Variants in SSR1 observed in about 807,000 individuals in gnomAD.
SSR1 encodes translocon-associated protein subunit alpha.
A neutral mutation model predicts 36.1 loss-of-function variants in SSR1; 13 were observed. That is an observed-to-expected ratio of 0.36 (90% CI 0.23 to 0.57). The LOEUF is 0.57. Among genes scored for constraint, SSR1 ranks in the 20% least tolerant of loss-of-function variants. The probability of loss-of-function intolerance (pLI) is 0.81; values close to 1 mark genes in which losing one functional copy is unlikely to be tolerated. For synonymous variants in SSR1, 113 were observed against 118.9 expected, an observed-to-expected ratio of 0.95 and a Z score of 0.32; for missense variants, 291 against 338.5, an observed-to-expected ratio of 0.86 and a Z score of 1.10.
At chr6:7,312,859 G>C (rs1203842555) in intron 1 of SSR1, among the ~76,000 whole-genome samples, 183 bp downstream of exon 1, 1 of 152,236 alleles carries the variant, frequency 6.6e-6, no homozygotes, top group Non-Finnish European at 1.5e-5. Flanking sequence ...GGCCGCAGCG[G>C]GGTCTCCAGC....
chr6:7,303,674 G>T, intron 2 of SSR1, 37 bp from the exon 3 acceptor site: 1 of 1,451,578 alleles, frequency 6.9e-7, no homozygotes, highest in East Asian at 2.3e-5. Context: ...ATTACTATGG[G>T]AGAAAAAAAA....
Position 7,313,176 on chromosome 6 carries a change from C to G in SSR1, c.-56G>C. The G allele has an allele frequency of 2.0e-6, 3 of 1,497,098 alleles. No individual in the cohort carries two copies. The highest frequency in any genetic ancestry group is 2.4e-5 in the South Asian group (2 of 81,678). The allele number at this position is 1,497,098 out of a possible 1,614,324, so 92.7% of individuals were successfully genotyped here. On this transcript the variant is annotated 5_prime_UTR_variant, in exon 1 of 8. Coordinates refer to ENST00000244763, the MANE Select transcript of SSR1 (RefSeq NM_003144.5). Reference sequence around the variant, plus strand: ...CGGCTAAGGCTCTCGGCGGCTCCGGCGGTAATGGCGTTACTCTTCATCCGG... The same window carrying G: ...CGGCTAAGGCTCTCGGCGGCTCCGGGGGTAATGGCGTTACTCTTCATCCGG...
intron 1 of SSR1, among the ~76,000 whole-genome samples, chr6:7,310,637 G>A (rs1301255191): frequency 4.6e-5 from 7 of 152,286 alleles, no homozygotes; most frequent in East Asian, 1.9e-4. Flanking sequence ...CTTGGCCGGC[G>A]CGGTGGCTCA....
In SSR1 at chr6:7,313,111, G is replaced by C; in HGVS notation, c.10C>G (p.Leu4Val). Reference sequence around the variant, plus strand: ...AAGAGAAGCAGCAGCAAGCGGGGGAGGAGTCTCATGGCGCTGCCGGTCCAG... The same window carrying C: ...AAGAGAAGCAGCAGCAAGCGGGGGACGAGTCTCATGGCGCTGCCGGTCCAG... MRL[L>V]PRLLLLLLLV... The change falls in exon 1 of 8, where the codon CTC becomes GTC. Residue 4 changes from leucine to valine, a missense_variant. Transcript: ENST00000244763. 6.2e-7 allele frequency: 1 copy of C among 1,606,066 alleles called. No homozygotes were observed. The highest frequency in any genetic ancestry group is 8.5e-7 in the Non-Finnish European group (1 of 1,176,124).
chr6:7,304,263 T>C (rs1395851516), intron 2 of SSR1, among the ~76,000 whole-genome samples: 1 of 152,226 alleles, frequency 6.6e-6, no homozygotes, highest in East Asian at 1.9e-4. Context: ...GTAAACTTTT[T>C]CTGTAAATGG....
intron 4 of SSR1, 103 bp downstream of exon 4, chr6:7,301,207 A>G: frequency 7.1e-7 from 1 of 1,407,182 alleles, no homozygotes; most frequent in South Asian, 1.4e-5. Context: ...CACAGGTTCA[A>G]CCACAAAACA....
chr6:7,296,571 A>C (rs1194314171), intron 6 of SSR1, among the ~76,000 whole-genome samples: 1 of 152,222 alleles, frequency 6.6e-6, no homozygotes, highest in Non-Finnish European at 1.5e-5. Flanking sequence ...CTAATGAATT[A>C]TATTAACATA....
rs1757634313 is a variant in SSR1, at chr6:7,289,602, T to A, written c.*262A>T. The A allele has an allele frequency of 2.2e-6, 1 of 460,038 alleles. No individual in the cohort carries two copies. Among genetic ancestry groups the A allele is most frequent in the Non-Finnish European group, 3.8e-6 (1 of 263,266 alleles). The allele number at this position is 460,038 out of a possible 1,614,324, so 28.5% of individuals were successfully genotyped here. ...TTGTTTCAGGTAGTTCAACAATGATTCTGGTAAGACCAACTGCTCACATAC... is the reference window on the plus strand; with the variant it reads ...TTGTTTCAGGTAGTTCAACAATGATACTGGTAAGACCAACTGCTCACATAC... On this transcript the variant is annotated 3_prime_UTR_variant, in exon 8 of 8. Coordinates refer to ENST00000244763, the MANE Select transcript of SSR1 (RefSeq NM_003144.5).
Position 7,289,912 on chromosome 6 carries a change from C to T in SSR1, c.813G>A (p.Arg271=). 10 of 1,541,060 alleles carry T rather than the reference C, an allele frequency of 6.5e-6. No individual in the cohort carries two copies. The highest frequency in any genetic ancestry group is 8.7e-6 in the Non-Finnish European group (10 of 1,155,056). ...TCTTCTGTGCCCGTTTCCTGGGCAA[C>T]CTTCTTGGTGAAGCTTTATCTGGAA... ...LNQINKASPR[R]LPRKRAQKRS... The change falls in exon 8 of 8, where the codon AGG becomes AGA. Residue 271 remains arginine (R), a synonymous_variant. Coordinates refer to ENST00000244763, the MANE Select transcript of SSR1 (RefSeq NM_003144.5).
At chr6:7,301,236 T>C in intron 4 of SSR1, 74 bp downstream of exon 4, 3 of 1,528,502 alleles carry the variant, frequency 2.0e-6, no homozygotes, top group South Asian at 1.3e-5. Flanking sequence ...AATGAACAGA[T>C]ATATTCTATT....
At position 7,287,039 on chromosome 6, in the gene SSR1, GTGTCAC is replaced by G; in HGVS notation, c.*2819_*2824del. 1 of 151,736 alleles carries G rather than the reference GTGTCAC, an allele frequency of 6.6e-6. No individual in the cohort carries two copies. Among genetic ancestry groups the G allele is most frequent in the African/African-American group, 2.4e-5 (1 of 41,308 alleles). 9.4% of individuals were successfully genotyped at this position (151,736 alleles called of 1,614,324 possible). A position where few individuals can be genotyped will look rare whatever the true frequency, so the allele number is the denominator to read the frequency against. On this transcript the variant is annotated 3_prime_UTR_variant, in exon 8 of 8. Coordinates refer to ENST00000244763, the MANE Select transcript of SSR1 (RefSeq NM_003144.5). ...GTCTAGTCTTGGCAAGAGATGGTAT[GTGTCAC>G]TGAGTTTTAAAAAATTATTTCAGTA... is the stretch of plus-strand genomic sequence containing the variant.
chr6:7,297,130 G>T, intron 6 of SSR1: 2 of 343,276 alleles, frequency 5.8e-6, no homozygotes, highest in South Asian at 2.0e-5. Context: ...TGAGGTGGGA[G>T]GATGACTTGA....
rs1345748178 is a variant in SSR1 at position 7,301,454 on chromosome 6, A to G, written c.399T>C (p.Tyr133=). ...SFRYPQDYQF[Y]IQNFTALPLN... ...GAGGAAGAGCTGTGAAATTCTGGAT[A>G]TAAAACTGGTAGTCCTGAGGATAAC... The change falls in exon 4 of 8, where the codon TAT becomes TAC. Residue 133 remains tyrosine (Y), a synonymous_variant. Coordinates refer to ENST00000244763, the MANE Select transcript of SSR1 (RefSeq NM_003144.5). 1.9e-6 allele frequency: 3 copies of G among 1,614,062 alleles called. No homozygotes were observed. Among genetic ancestry groups the G allele is most frequent in the African/African-American group, 1.3e-5 (1 of 74,922 alleles).
Position 7,301,360 on chromosome 6 carries a change from C to T in SSR1, c.493G>A (p.Gly165Ser), listed in dbSNP as rs372281757. The T allele has an allele frequency of 5.6e-6, 9 of 1,614,022 alleles. No homozygotes were observed. In the African/African-American group the frequency reaches 1.2e-4, roughly 22 times the overall value. The change falls in exon 4 of 8, where the codon GGC (glycine) becomes AGC (serine). Residue 165 changes from glycine (G) to serine (S), a missense_variant. Transcript: ENST00000244763. ...EYSFIPAEPM[G>S]GRPFGLVINL... is the part of the protein sequence containing the mutation. ...ATGACCAAACCAAATGGTCGTCCGC[C>T]CATGGGCTCTGCAGGAATGAAAGAG...
intron 2 of SSR1, among the ~76,000 whole-genome samples, chr6:7,304,441 T>C (rs1758007711): frequency 6.6e-6 from 1 of 152,112 alleles, no homozygotes; most frequent in Non-Finnish European, 1.5e-5. Context: ...AAGTACCTTG[T>C]TAACAGCCTA....
chr6:7,292,351 CCTCA>C (rs57498654), intron 7 of SSR1, among the ~76,000 whole-genome samples: 55,974 of 151,666 alleles, frequency 0.37, 10,363 homozygotes, highest in South Asian at 0.43. Flanking sequence ...TTCATTCCTC[CCTCA>C]CTAACACATC....
chr6:7,294,626 G>A (rs921529636), intron 7 of SSR1, among the ~76,000 whole-genome samples: 1 of 152,170 alleles, frequency 6.6e-6, no homozygotes, highest in South Asian at 2.1e-4. Flanking sequence ...AGGAGGCGGA[G>A]GTAGCAGTGA....
intron 2 of SSR1, among the ~76,000 whole-genome samples, chr6:7,303,858 A>C (rs1033134195): frequency 6.6e-6 from 1 of 152,130 alleles, no homozygotes; most frequent in African/African-American, 2.4e-5. Context: ...GTGGTGGCAC[A>C]TGCCTGTAAT....
intron 4 of SSR1, 116 bp from the exon 5 acceptor site, chr6:7,298,939 G>C (rs750240674): frequency 4.0e-6 from 3 of 756,468 alleles, no homozygotes; most frequent in African/African-American, 1.7e-5. Context: ...CCATCACTTA[G>C]AAGACTCAAC....
Sources: gnomAD v4.1 joint callset for allele counts (sites outside exome capture counted in the v4.1 genomes callset) on GRCh38, gnomAD v4.1.1 for gene constraint, MANE v1.5 for transcripts, NCBI Gene and HGNC (gene_info 2026-07-23, HGNC 2026-07-21) for gene names.